TRAPPC10: variants seen among roughly 807,000 people sequenced by gnomAD.
The protein encoded by TRAPPC10 is TRAPP 130 kDa subunit.
A neutral mutation model predicts 125.5 loss-of-function variants in TRAPPC10; 23 were observed. The ratio of observed to expected loss-of-function variants is 0.18; its 90% confidence interval spans 0.13 to 0.26. TRAPPC10 has a LOEUF of 0.26. TRAPPC10 is among the 10% of genes least tolerant of loss of function. The probability of loss-of-function intolerance (pLI) is 1.00; values close to 1 mark genes in which losing one functional copy is unlikely to be tolerated. For synonymous variants in TRAPPC10, 509 were observed against 518.0 expected (o/e 0.98, Z 0.24); for missense variants, 1,123 against 1,308.4 (o/e 0.86, Z 2.19).
At chr21:44,070,736 C>T (rs563579538) in intron 7 of TRAPPC10, among the ~76,000 whole-genome samples, 2 of 152,330 alleles carry the variant, frequency 1.3e-5, no homozygotes, top group East Asian at 3.9e-4. Context: ...TCTCAAGCTG[C>T]ACTCTAATGG....
At chr21:44,071,258 C>T (rs2036845168) in intron 7 of TRAPPC10, among the ~76,000 whole-genome samples, 2 of 152,132 alleles carry the variant, frequency 1.3e-5, no homozygotes, top group Non-Finnish European at 2.9e-5. Context: ...CTTGAGAGAA[C>T]CTTCTAGGAT....
intron 1 of TRAPPC10, among the ~76,000 whole-genome samples, chr21:44,013,686 C>T (rs1352987741): frequency 6.6e-6 from 1 of 152,130 alleles, no homozygotes; most frequent in African/African-American, 2.4e-5. Context: ...TATTTCTTTC[C>T]TTCCTTTTGC....
At chr21:44,016,760 G>A (rs1250595908) in intron 1 of TRAPPC10, among the ~76,000 whole-genome samples, 2 of 152,152 alleles carry the variant, frequency 1.3e-5, no homozygotes, top group South Asian at 2.1e-4. Flanking sequence ...CCGGGTTCAC[G>A]CCATTCTCCT....
At chr21:44,023,985 C>T (rs185286064) in intron 1 of TRAPPC10, among the ~76,000 whole-genome samples, 29 of 152,298 alleles carry the variant, frequency 1.9e-4, no homozygotes, top group African/African-American at 4.6e-4. Context: ...AGGGTTTCAC[C>T]GTGTTGGCCA....
At chr21:44,016,807 C>T (rs767142865) in intron 1 of TRAPPC10, among the ~76,000 whole-genome samples, 22 of 152,196 alleles carry the variant, frequency 1.4e-4, no homozygotes, top group East Asian at 1.9e-4. Context: ...TACAGGCGCC[C>T]GCCACCACGC....
chr21:44,046,231 A>G, intron 3 of TRAPPC10: 1 of 195,670 alleles, frequency 5.1e-6, no homozygotes. Flanking sequence ...TTGCTTAAAT[A>G]GAATTACAGA....
At position 44,068,748 on chromosome 21, in the gene TRAPPC10, G is replaced by A. The variant is rs554051540; in HGVS notation, c.1038+4963G>A. 2.3e-3 allele frequency among the ~76,000 whole-genome samples: 354 copies of A among 151,938 alleles called. 1 individual carries two copies. The highest frequency in any genetic ancestry group is 7.7e-3 in the African/African-American group (317 of 41,416). ...GTCAAGTAGCCAGGATTACAGGTGC[G>A]CACCACCATGCCCGGCTAATTTTTG... On this transcript the variant is annotated intron_variant, in intron 7 of 22. Coordinates refer to ENST00000291574, the MANE Select transcript of TRAPPC10 (RefSeq NM_003274.5).
chr21:44,032,149 A>T lies in TRAPPC10; in HGVS notation c.126A>T (p.Pro42=). The change falls in exon 2 of 23, where the codon CCA becomes CCT. Residue 42 remains proline, a synonymous_variant. Coordinates refer to ENST00000291574, the MANE Select transcript of TRAPPC10 (RefSeq NM_003274.5). ...ATCCAACGCTCTCTCAGCAGCTTCC[A>T]AGAGAACCAATGGAATGGAGAAGGT... ...SVYPTLSQQL[P]REPMEWRRSY... The T allele has an allele frequency of 6.2e-7, 1 of 1,614,012 alleles. No homozygotes were observed. The highest frequency in any genetic ancestry group is 1.7e-5 in the Admixed American group (1 of 60,002).
chr21:44,054,664 C>G (rs1200859197), intron 4 of TRAPPC10, among the ~76,000 whole-genome samples: 2 of 152,220 alleles, frequency 1.3e-5, no homozygotes, highest in African/African-American at 4.8e-5. Context: ...GTGTGTTTGA[C>G]CTTTTTACAT....
intron 1 of TRAPPC10, among the ~76,000 whole-genome samples, chr21:44,015,610 A>ATTT (rs11405094): frequency 1.4e-5 from 2 of 140,470 alleles, no homozygotes; most frequent in African/African-American, 5.3e-5. Flanking sequence ...AGCTCTCCAA[A>ATTT]TTTTTTTTTT....
Position 44,059,132 on chromosome 21 carries a change from G to A in TRAPPC10, c.708G>A (p.Leu236=). ...QEELAFVFEM[L]QQFEDALVQY... Reference sequence around the variant, plus strand: ...AGCTTGCCTTTGTTTTCGAGATGCTGCAGCAGTTCGAGGACGCCCTGGTGC... The same window carrying A: ...AGCTTGCCTTTGTTTTCGAGATGCTACAGCAGTTCGAGGACGCCCTGGTGC... Residue 236 remains leucine (L), a synonymous_variant, in exon 6 of 23, where the codon CTG becomes CTA. Coordinates refer to ENST00000291574, the MANE Select transcript of TRAPPC10 (RefSeq NM_003274.5). This position sits in a 1 kb window ranked among gnomAD's most constrained non-coding sequence, Gnocchi z 4.4. 1 of 1,603,064 alleles carries A rather than the reference G, an allele frequency of 6.2e-7. No individual in the cohort carries two copies. Among genetic ancestry groups the A allele is most frequent in the South Asian group, 1.1e-5 (1 of 88,962 alleles).
rs183874748 is a variant in TRAPPC10, at chr21:44,019,650, C to G, written c.67+7090C>G. 3.9e-3 allele frequency among the ~76,000 whole-genome samples: 599 copies of G among 152,238 alleles called. 5 individuals carry two copies. The highest frequency in any genetic ancestry group is 0.014 in the African/African-American group (573 of 41,538). ...TATATATAGGGCCTGCCTGGATAAT[C>G]TGGGATAATCACATCTTGAGCTCCT... On this transcript the variant is annotated intron_variant, in intron 1 of 22. Coordinates refer to ENST00000291574, the MANE Select transcript of TRAPPC10 (RefSeq NM_003274.5).
intron 3 of TRAPPC10, among the ~76,000 whole-genome samples, chr21:44,042,138 C>T (rs866073306): frequency 7.2e-5 from 11 of 152,170 alleles, no homozygotes; most frequent in African/African-American, 2.4e-4. Flanking sequence ...TATCGTTAGT[C>T]TGTTTTCTAC....
chr21:44,021,305 A>C (rs180670750), intron 1 of TRAPPC10, among the ~76,000 whole-genome samples: 1 of 152,178 alleles, frequency 6.6e-6, no homozygotes, highest in East Asian at 1.9e-4. Context: ...GGGTTATGTC[A>C]GAGAGCAAAG....
chr21:44,015,962 G>A (rs1422013984), intron 1 of TRAPPC10, among the ~76,000 whole-genome samples: 2 of 152,118 alleles, frequency 1.3e-5, no homozygotes, highest in African/African-American at 4.8e-5. Context: ...CCTGCCTAAC[G>A]GGCTCCTGTG....
At chr21:44,033,482 T>C (rs1184868515) in intron 2 of TRAPPC10, among the ~76,000 whole-genome samples, 1 of 151,656 alleles carries the variant, frequency 6.6e-6, no homozygotes, top group Admixed American at 6.6e-5. Flanking sequence ...GCAAATGGAG[T>C]AATCTGTAAG....
At chr21:44,072,320 C>T (rs1246753319) in intron 7 of TRAPPC10, among the ~76,000 whole-genome samples, 1 of 152,208 alleles carries the variant, frequency 6.6e-6, no homozygotes, top group Non-Finnish European at 1.5e-5. Flanking sequence ...GCCCTGGCTG[C>T]TCTTGCTTCT....
chr21:44,050,024 C>G (rs1209973742), intron 3 of TRAPPC10, among the ~76,000 whole-genome samples: 2 of 152,058 alleles, frequency 1.3e-5, no homozygotes, highest in South Asian at 2.1e-4. Context: ...GGACTACAGG[C>G]GCCCACCACC....
At position 44,055,919 on chromosome 21, in the gene TRAPPC10, C is replaced by G. The variant is rs758775421; in HGVS notation, c.678+26C>G. The G allele has an allele frequency of 4.6e-6, 7 of 1,524,288 alleles. No individual in the cohort carries two copies. In the Admixed American group the frequency reaches 1.0e-4, roughly 23 times the overall value. The allele number at this position is 1,524,288 out of a possible 1,614,324, so 94.4% of individuals were successfully genotyped here. Reference sequence around the variant, plus strand: ...GTACTTGACTCATTACAGAACTAGACAGTTCCTTCTCTCCTTCCCTCCTTT... The same window carrying G: ...GTACTTGACTCATTACAGAACTAGAGAGTTCCTTCTCTCCTTCCCTCCTTT... On this transcript the variant is annotated intron_variant, in intron 5 of 22. Transcript: ENST00000291574.
Sources: allele counts gnomAD v4.1 joint callset (sites outside exome capture counted in the v4.1 genomes callset), GRCh38; gene constraint gnomAD v4.1.1; non-coding constraint Gnocchi (gnomAD v3.1); transcripts MANE v1.5; gene names NCBI Gene and HGNC (gene_info 2026-07-23, HGNC 2026-07-21).